Variants in CPM observed in about 807,000 individuals in gnomAD.
CPM encodes renal carboxypeptidase.
Under a neutral mutation model 46.4 loss-of-function variants are expected in CPM, and 35 were observed. The ratio of observed to expected loss-of-function variants is 0.75; its 90% CI spans 0.58 to 1.00. CPM has a LOEUF of 1.00. Ranked by LOEUF, CPM falls within the 50% of genes least tolerant of loss-of-function variation. The pLI, the probability that CPM is intolerant of heterozygous loss-of-function variation, is 0.00. For missense variants in CPM, 422 were observed against 530.4 expected, an observed-to-expected ratio of 0.80 and a Z score of 2.01; for synonymous variants, 195 against 195.3, an observed-to-expected ratio of 1.00 and a Z score of 0.01.
upstream of CPM, chr12:68,933,179 C>A (rs1043569873): frequency 1.0e-4 from 17 of 162,442 alleles, no homozygotes; most frequent in Non-Finnish European, 1.9e-4. Context: ...CCCGCGGCCG[C>A]CCGGCGGGGC....
intron 2 of CPM, among the ~76,000 whole-genome samples, chr12:68,909,793 C>T (rs1245339664): frequency 1.5e-5 from 2 of 132,758 alleles, no homozygotes; most frequent in South Asian, 2.4e-4. Flanking sequence ...AACGAGAACA[C>T]ATGGACACAG....
chr12:68,883,729 T>C (rs1236817421), intron 3 of CPM, among the ~76,000 whole-genome samples: 2 of 152,046 alleles, frequency 1.3e-5, no homozygotes, highest in Non-Finnish European at 2.9e-5. Context: ...TCTGAGTAGA[T>C]AGCTGGAACC....
chr12:68,885,689 TG>T, intron 3 of CPM, 102 bp downstream of exon 3: 1 of 922,916 alleles, frequency 1.1e-6, no homozygotes, highest in Non-Finnish European at 1.7e-6. Context: ...CAATGCATGC[TG>T]GAGACTTCTC....
At chr12:68,948,611 G>A (rs747472603) in intron 1 of CPM, among the ~76,000 whole-genome samples, 13 of 152,078 alleles carry the variant, frequency 8.5e-5, no homozygotes, top group African/African-American at 2.9e-4. Context: ...CCAAGTTAGC[G>A]TAACCCCCAG....
At chr12:68,872,102 T>C (rs1206226875) in intron 3 of CPM, 146 bp from the exon 4 acceptor site, 4 of 836,146 alleles carry the variant, frequency 4.8e-6, no homozygotes, top group Non-Finnish European at 7.4e-6. Flanking sequence ...TTCTCAAGCA[T>C]GCTTATGCTC....
At chr12:68,895,028 CA>C (rs35142646) in intron 2 of CPM, among the ~76,000 whole-genome samples, 7,908 of 78,072 alleles carry the variant, frequency 0.1, 201 homozygotes, top group African/African-American at 0.23. Context: ...GACTCAGTCT[CA>C]AAAAAAAAAA....
intron 2 of CPM, among the ~76,000 whole-genome samples, chr12:68,889,698 A>T (rs1279981980): frequency 2.0e-5 from 3 of 152,096 alleles, no homozygotes; most frequent in Non-Finnish European, 2.9e-5. Context: ...GTGTGGTGGC[A>T]TGTGTCTGTA....
intron 3 of CPM, 55 bp downstream of exon 3, chr12:68,885,737 G>C: frequency 7.1e-7 from 1 of 1,399,982 alleles, no homozygotes; most frequent in Non-Finnish European, 1.0e-6. Flanking sequence ...GAGCTCAAGA[G>C]ACCCTAGGGG....
At position 68,870,297 on chromosome 12, in the gene CPM, C is replaced by T; in HGVS notation, c.534G>A (p.Leu178=). The change falls in exon 5 of 9, where the codon CTG becomes CTA. Residue 178 remains leucine, a synonymous_variant. Coordinates refer to ENST00000551568, the MANE Select transcript of CPM (RefSeq NM_198320.5). Reference sequence around the variant, plus strand: ...CAGAGAGGACAAACGTCTCTGTTTTCAGCCACTTCATGACTGCCACAGTTT... The same window carrying T: ...CAGAGAGGACAAACGTCTCTGTTTTTAGCCACTTCATGACTGCCACAGTTT... The part of the protein sequence containing the change: ...QPETVAVMKW[L]KTETFVLSAN... 1.2e-6 allele frequency: 2 copies of T among 1,614,208 alleles called. No individual in the cohort carries two copies. The highest frequency in any genetic ancestry group is 1.7e-6 in the Non-Finnish European group (2 of 1,180,032).
intron 1 of CPM, among the ~76,000 whole-genome samples, chr12:68,955,119 G>A (rs1888992150): frequency 6.6e-6 from 1 of 152,168 alleles, no homozygotes; most frequent in African/African-American, 2.4e-5. Context: ...CACAAGCTGA[G>A]CACAGCCTGC....
intron 1 of CPM, among the ~76,000 whole-genome samples, chr12:68,954,420 C>A (rs1187720429): frequency 6.6e-6 from 1 of 152,154 alleles, no homozygotes; most frequent in African/African-American, 2.4e-5. Context: ...GTTTACACTC[C>A]CTCTCCTTGA....
intron 2 of CPM, among the ~76,000 whole-genome samples, chr12:68,928,603 T>C (rs1002279085): frequency 2.6e-5 from 4 of 152,246 alleles, no homozygotes; most frequent in African/African-American, 9.6e-5. Flanking sequence ...TGGAAAGTAC[T>C]TGATAACAGA....
chr12:68,860,466 TTAAC>T (rs1165929135), intron 7 of CPM, among the ~76,000 whole-genome samples: 3 of 152,168 alleles, frequency 2.0e-5, no homozygotes, highest in African/African-American at 7.2e-5. Context: ...AATTAATTAA[TTAAC>T]TTTTTGTAGA....
At chr12:68,872,288 C>T (rs1015907077) in intron 3 of CPM, among the ~76,000 whole-genome samples, 8 of 144,328 alleles carry the variant, frequency 5.5e-5, no homozygotes, top group Non-Finnish European at 7.5e-5. Flanking sequence ...GTCTCAACTC[C>T]GTCACCCAGG....
intron 1 of CPM, among the ~76,000 whole-genome samples, chr12:68,959,190 A>G (rs772937168): frequency 4.6e-5 from 7 of 152,226 alleles, no homozygotes; most frequent in Non-Finnish European, 7.3e-5. Context: ...TCAGTGTTGC[A>G]TCCCAGCACC....
chr12:68,870,454 C>T, intron 4 of CPM, 55 bp from the exon 5 acceptor site: 1 of 1,478,734 alleles, frequency 6.8e-7, no homozygotes, highest in Non-Finnish European at 9.3e-7. Context: ...GGAGTGGATT[C>T]TTACAGTGTC....
downstream of CPM, chr12:68,848,106 A>G (rs1884455299): frequency 6.6e-6 from 1 of 152,220 alleles, no homozygotes; most frequent in African/African-American, 2.4e-5. Context: ...TCTGCTTAGG[A>G]GACAGATGGA....
intron 7 of CPM, among the ~76,000 whole-genome samples, chr12:68,865,341 C>A (rs1885388479): frequency 6.6e-6 from 1 of 152,154 alleles, no homozygotes; most frequent in Non-Finnish European, 1.5e-5. Flanking sequence ...TGTGAGTTTA[C>A]CAGTAATCTT....
At chr12:68,955,396 G>A (rs1003286171) in intron 1 of CPM, among the ~76,000 whole-genome samples, 3 of 152,306 alleles carry the variant, frequency 2.0e-5, no homozygotes, top group East Asian at 1.9e-4. Context: ...CCACAGAACC[G>A]TGGGTGTCAC....
Sources: allele counts gnomAD v4.1 joint callset (sites outside exome capture counted in the v4.1 genomes callset), GRCh38; gene constraint gnomAD v4.1.1; transcripts MANE v1.5; gene names NCBI Gene and HGNC (gene_info 2026-07-23, HGNC 2026-07-21).